Variants in CYP39A1 observed in about 807,000 individuals in gnomAD.
CYP39A1 encodes cytochrome P450 family 39 subfamily A member 1, also known as 24-hydroxycholesterol 7-alpha-hydroxylase.
A neutral mutation model predicts 58.1 loss-of-function variants in CYP39A1; 49 were observed. The observed-to-expected ratio is 0.84, with a 90% CI of 0.67 to 1.07. CYP39A1 has a LOEUF of 1.07. Ranked by LOEUF, CYP39A1 falls within the 50% of genes least tolerant of loss-of-function variation. CYP39A1 has a pLI of 0.00. For missense variants in CYP39A1, 531 were observed against 539.4 expected (o/e 0.98, Z 0.16); for synonymous variants, 209 against 187.6 (o/e 1.11, Z -0.93).
At chr6:46,649,809 C>T (rs901930494) in intron 1 of CYP39A1, among the ~76,000 whole-genome samples, 3 of 151,882 alleles carry the variant, frequency 2.0e-5, no homozygotes, top group African/African-American at 4.8e-5. Context: ...TTTTTTGAAC[C>T]GTATAAATGC....
chr6:46,587,704 G>T (rs1475400482), intron 9 of CYP39A1, among the ~76,000 whole-genome samples: 1 of 152,060 alleles, frequency 6.6e-6, no homozygotes, highest in African/African-American at 2.4e-5. Context: ...GTACTCCTTG[G>T]AAACCAATGA....
At chr6:46,615,974 C>T (rs1346494634) in intron 7 of CYP39A1, among the ~76,000 whole-genome samples, 3 of 149,658 alleles carry the variant, frequency 2.0e-5, no homozygotes, top group African/African-American at 4.9e-5. Flanking sequence ...CCATCCCTGA[C>T]ATTCCTGATT....
intron 6 of CYP39A1, among the ~76,000 whole-genome samples, chr6:46,630,525 C>T (rs913748968): frequency 4.6e-5 from 7 of 152,122 alleles, no homozygotes; most frequent in African/African-American, 1.7e-4. Flanking sequence ...TCTACAACTA[C>T]AAATTGGGAT....
At chr6:46,643,193 T>A (rs1776452784) in intron 1 of CYP39A1, among the ~76,000 whole-genome samples, 1 of 152,200 alleles carries the variant, frequency 6.6e-6, no homozygotes, top group East Asian at 1.9e-4. Context: ...CTAAGTATAA[T>A]TTAGCAGTTT....
At chr6:46,563,115 C>CAA (rs59793245) in intron 10 of CYP39A1, among the ~76,000 whole-genome samples, 11,636 of 124,546 alleles carry the variant, frequency 0.093, 756 homozygotes, top group Admixed American at 0.2. Flanking sequence ...TTTACAGTGG[C>CAA]AAAAAAAAAA....
At chr6:46,558,994 CAA>C (rs35310827) in intron 10 of CYP39A1, among the ~76,000 whole-genome samples, 10 of 49,100 alleles carry the variant, frequency 2.0e-4, no homozygotes, top group East Asian at 7.0e-4. Flanking sequence ...GACTCCATCT[CAA>C]AAAAAAAAAA....
chr6:46,555,075 G>A (rs537893172), intron 10 of CYP39A1, among the ~76,000 whole-genome samples: 6 of 144,338 alleles, frequency 4.2e-5, no homozygotes, highest in South Asian at 2.2e-4. Flanking sequence ...ACACACACAC[G>A]CAATCTTTCA....
At chr6:46,558,364 G>T (rs2150480633) in intron 10 of CYP39A1, among the ~76,000 whole-genome samples, 1 of 152,276 alleles carries the variant, frequency 6.6e-6, no homozygotes, top group East Asian at 1.9e-4. Flanking sequence ...GGGGAAGCAA[G>T]CTCCTTCTTC....
chr6:46,566,821 C>A (rs969773493), intron 10 of CYP39A1, among the ~76,000 whole-genome samples: 2 of 149,910 alleles, frequency 1.3e-5, no homozygotes, highest in African/African-American at 2.5e-5. Context: ...ATTTAAAGCA[C>A]AAAATGAGAT....
intron 1 of CYP39A1, among the ~76,000 whole-genome samples, chr6:46,645,779 C>T (rs1303910155): frequency 2.0e-5 from 3 of 152,082 alleles, no homozygotes; most frequent in African/African-American, 7.2e-5. Context: ...AATATGTTGA[C>T]TTTTCCAATC....
Position 46,652,774 on chromosome 6 carries a change from C to G in CYP39A1, c.-192G>C. 1 of 526,294 alleles carries G rather than the reference C, an allele frequency of 1.9e-6. No homozygotes were observed. Among genetic ancestry groups the G allele is most frequent in the Non-Finnish European group, 3.3e-6 (1 of 306,732 alleles). 32.6% of individuals were successfully genotyped at this position (526,294 alleles called of 1,614,324 possible). On this transcript the variant is annotated 5_prime_UTR_variant, in exon 1 of 12. Coordinates refer to ENST00000275016, the MANE Select transcript of CYP39A1 (RefSeq NM_016593.5). ...GTGATTTTTCCATTGTCGCTCCCTC[C>G]CACCTCCACTTCTCTTTGAATCTCA...
chr6:46,592,466 TACTAAGGAAATA>T (rs1286781278), intron 8 of CYP39A1, among the ~76,000 whole-genome samples: 2 of 152,190 alleles, frequency 1.3e-5, no homozygotes, highest in African/African-American at 4.8e-5. Flanking sequence ...TATGAATTTA[TACTAAGGAAATA>T]ATTAGTAATG....
chr6:46,638,276 C>A (rs1338351321), intron 3 of CYP39A1, among the ~76,000 whole-genome samples: 6 of 152,142 alleles, frequency 3.9e-5, no homozygotes, highest in Admixed American at 3.9e-4. Flanking sequence ...TACAATTCAA[C>A]AATAATTTAT....
At chr6:46,643,819 T>C (rs1206632824) in intron 1 of CYP39A1, among the ~76,000 whole-genome samples, 1 of 152,218 alleles carries the variant, frequency 6.6e-6, no homozygotes, top group African/African-American at 2.4e-5. Context: ...TGTTCTTTTT[T>C]TGTATGCAAT....
chr6:46,610,072 T>C (rs1774121642), intron 7 of CYP39A1, among the ~76,000 whole-genome samples: 1 of 152,208 alleles, frequency 6.6e-6, no homozygotes, highest in Non-Finnish European at 1.5e-5. Context: ...GTTTCTAGAA[T>C]ATTAATTCTT....
chr6:46,605,302 C>T (rs1324997380), intron 7 of CYP39A1, among the ~76,000 whole-genome samples: 1 of 152,040 alleles, frequency 6.6e-6, no homozygotes, highest in African/African-American at 2.4e-5. Context: ...TGCCAGTGTG[C>T]AAGGTAAGGA....
chr6:46,582,484 A>G (rs1482888275), intron 10 of CYP39A1, among the ~76,000 whole-genome samples: 1 of 152,136 alleles, frequency 6.6e-6, no homozygotes. Flanking sequence ...TTATATTCCT[A>G]TAAGCACTTA....
chr6:46,644,698 T>C (rs1776547088), intron 1 of CYP39A1, among the ~76,000 whole-genome samples: 1 of 152,208 alleles, frequency 6.6e-6, no homozygotes, highest in Non-Finnish European at 1.5e-5. Context: ...GGCTGCGTGT[T>C]TGGATGTTTA....
At chr6:46,556,554 C>T (rs1350075389) in intron 10 of CYP39A1, among the ~76,000 whole-genome samples, 1 of 152,080 alleles carries the variant, frequency 6.6e-6, no homozygotes, top group Non-Finnish European at 1.5e-5. Context: ...AGGCCAAGAG[C>T]TCACACAAGA....
Sources: gnomAD v4.1 joint callset for allele counts (sites outside exome capture counted in the v4.1 genomes callset) on GRCh38, gnomAD v4.1.1 for gene constraint, MANE v1.5 for transcripts, NCBI Gene and HGNC (gene_info 2026-07-23, HGNC 2026-07-21) for gene names.